CEP85L: variants seen among roughly 807,000 people sequenced by gnomAD.
CEP85L encodes the protein centrosomal protein of 85 kDa-like.
In CEP85L, 60 loss-of-function variants were observed where a neutral mutation model predicts 100.3. The observed-to-expected ratio is 0.60, with a 90% confidence interval of 0.49 to 0.74. The LOEUF (loss-of-function observed/expected upper bound fraction) is 0.74. Among genes scored for constraint, CEP85L ranks in the 30% least tolerant of loss-of-function variants. The probability of loss-of-function intolerance (pLI) is 0.00; values close to 1 mark genes in which losing one functional copy is unlikely to be tolerated. For missense variants in CEP85L, 973 were observed against 936.2 expected, an observed-to-expected ratio of 1.04 and a Z score of -0.51; for synonymous variants, 319 against 322.7, an observed-to-expected ratio of 0.99 and a Z score of 0.12.
intron 2 of CEP85L, among the ~76,000 whole-genome samples, chr6:118,602,002 G>A (rs1781813805): frequency 6.6e-6 from 1 of 152,114 alleles, no homozygotes; most frequent in Non-Finnish European, 1.5e-5. Context: ...ATTTTACCCA[G>A]CTCCTGTTTA....
intron 1 of CEP85L, among the ~76,000 whole-genome samples, chr6:118,707,746 T>C (rs1048530420): frequency 3.3e-5 from 5 of 152,194 alleles, no homozygotes; most frequent in African/African-American, 1.2e-4. Flanking sequence ...TTTAAACATG[T>C]GCAAACTTTT....
At chr6:118,513,544 G>A (rs1776091000) in intron 4 of CEP85L, among the ~76,000 whole-genome samples, 1 of 151,926 alleles carries the variant, frequency 6.6e-6, no homozygotes, top group Non-Finnish European at 1.5e-5. Flanking sequence ...AGACAATGAA[G>A]TACTTTAAGT....
At chr6:118,524,186 C>T (rs924093973) in intron 3 of CEP85L, among the ~76,000 whole-genome samples, 7 of 152,096 alleles carry the variant, frequency 4.6e-5, no homozygotes, top group Non-Finnish European at 8.8e-5. Flanking sequence ...CTTGGCCAGG[C>T]GCGGTGGCTC....
intron 2 of CEP85L, among the ~76,000 whole-genome samples, chr6:118,606,197 T>C (rs1772203247): frequency 6.6e-6 from 1 of 152,154 alleles, no homozygotes; most frequent in Non-Finnish European, 1.5e-5. Context: ...ACCATAGTGC[T>C]CTTTAAAAAA....
chr6:118,587,538 A>G (rs537702731), intron 2 of CEP85L, among the ~76,000 whole-genome samples: 6 of 152,190 alleles, frequency 3.9e-5, no homozygotes, highest in Non-Finnish European at 7.4e-5. Flanking sequence ...GGAAGTACCG[A>G]TGGGAGTGGC....
At chr6:118,568,132 C>T (rs1396344753) in intron 2 of CEP85L, among the ~76,000 whole-genome samples, 1 of 152,182 alleles carries the variant, frequency 6.6e-6, no homozygotes, top group Non-Finnish European at 1.5e-5. Context: ...ATACAGGCAA[C>T]AGCAGAGGCA....
At chr6:118,490,723 C>G (rs900797706) in intron 6 of CEP85L, among the ~76,000 whole-genome samples, 1 of 152,158 alleles carries the variant, frequency 6.6e-6, no homozygotes, top group Non-Finnish European at 1.5e-5. Context: ...AATAGATACA[C>G]TGTAGTATAT....
chr6:118,662,591 C>A (rs1562347282), intron 1 of CEP85L, among the ~76,000 whole-genome samples: 2 of 151,240 alleles, frequency 1.3e-5, no homozygotes, highest in East Asian at 3.9e-4. Flanking sequence ...ATAGATGAGG[C>A]AAATGAGTCA....
At position 118,580,783 on chromosome 6, in the gene CEP85L, T is replaced by C. The variant is rs531528066; in HGVS notation, c.233-14467A>G. Among the ~76,000 whole-genome samples, 138 of 152,342 alleles carry C rather than the reference T, an allele frequency of 9.1e-4. 1 individual carries two copies. The highest frequency in any genetic ancestry group is 3.4e-3 in the Middle Eastern group (1 of 294). Reference sequence around the variant, plus strand: ...CCTCAGCTATCCGGTCATGAAACTTTCCTTCCTTTTCTATCTGTGGTCTCT... The same window carrying C: ...CCTCAGCTATCCGGTCATGAAACTTCCCTTCCTTTTCTATCTGTGGTCTCT... On this transcript the variant is annotated intron_variant, in intron 2 of 12. Transcript: ENST00000368491.
chr6:118,559,222 A>G (rs1331225129), intron 3 of CEP85L: 15 of 763,578 alleles, frequency 2.0e-5, no homozygotes, highest in Non-Finnish European at 3.4e-5. Flanking sequence ...GATTAAGACT[A>G]AAACTTATTG....
intron 1 of CEP85L, among the ~76,000 whole-genome samples, chr6:118,678,304 A>G (rs1411659491): frequency 6.6e-6 from 1 of 152,192 alleles, no homozygotes; most frequent in Non-Finnish European, 1.5e-5. Flanking sequence ...TGTAAAACAC[A>G]CTGGTCATGC....
At chr6:118,520,673 C>G (rs1335687398) in intron 4 of CEP85L, among the ~76,000 whole-genome samples, 1 of 152,176 alleles carries the variant, frequency 6.6e-6, no homozygotes, top group African/African-American at 2.4e-5. Flanking sequence ...TAACCAACCT[C>G]TCTGTATTCG....
chr6:118,532,582 T>C (rs1478205990), intron 3 of CEP85L, among the ~76,000 whole-genome samples: 2 of 152,128 alleles, frequency 1.3e-5, no homozygotes, highest in Admixed American at 1.3e-4. Context: ...ACCATAACAA[T>C]AAATCTAAAG....
chr6:118,506,025 T>A (rs1266535618), intron 5 of CEP85L, among the ~76,000 whole-genome samples: 1 of 152,206 alleles, frequency 6.6e-6, no homozygotes, highest in Non-Finnish European at 1.5e-5. Context: ...TCCCATTCAA[T>A]TTTGTAGTAA....
chr6:118,531,399 T>C (rs1380391023), intron 3 of CEP85L, among the ~76,000 whole-genome samples: 5 of 151,888 alleles, frequency 3.3e-5, no homozygotes, highest in Non-Finnish European at 5.9e-5. Context: ...AACCTAAAAC[T>C]ATAAAAACCC....
At chr6:118,631,439 A>C (rs1774140364) in intron 2 of CEP85L, among the ~76,000 whole-genome samples, 1 of 152,230 alleles carries the variant, frequency 6.6e-6, no homozygotes, top group South Asian at 2.1e-4. Flanking sequence ...ATATGCTACT[A>C]CACAATCCAG....
At chr6:118,618,131 C>T (rs1773190027) in intron 2 of CEP85L, among the ~76,000 whole-genome samples, 3 of 152,126 alleles carry the variant, frequency 2.0e-5, no homozygotes, top group African/African-American at 4.8e-5. Context: ...TCCCAGATAT[C>T]CAGGTTGAGA....
intron 2 of CEP85L, among the ~76,000 whole-genome samples, chr6:118,621,523 CA>C (rs1188294982): frequency 6.6e-6 from 1 of 152,084 alleles, no homozygotes; most frequent in Non-Finnish European, 1.5e-5. Context: ...AGACCTAGGC[CA>C]ATTCTCAAGT....
intron 3 of CEP85L, among the ~76,000 whole-genome samples, chr6:118,532,083 G>A (rs1424088499): frequency 3.3e-5 from 5 of 152,098 alleles, no homozygotes; most frequent in Non-Finnish European, 7.4e-5. Flanking sequence ...CAATAGCAAA[G>A]ATATGGAATC....
Sources: allele counts gnomAD v4.1 joint callset (sites outside exome capture counted in the v4.1 genomes callset), GRCh38; gene constraint gnomAD v4.1.1; transcripts MANE v1.5; gene names NCBI Gene and HGNC (gene_info 2026-07-23, HGNC 2026-07-21).